Variants in RSRC1 observed in about 807,000 individuals in gnomAD.
The protein encoded by RSRC1 is serine/Arginine-related protein 53.
Under a neutral mutation model 49.1 loss-of-function variants are expected in RSRC1, and 39 were observed. The observed-to-expected ratio is 0.79, with a 90% confidence interval of 0.61 to 1.04. The LOEUF is 1.04. Among genes scored for constraint, RSRC1 ranks in the 50% least tolerant of loss-of-function variants. The pLI is 0.00. For synonymous variants in RSRC1, 143 were observed against 130.8 expected, an observed-to-expected ratio of 1.09 and a Z score of -0.63; for missense variants, 388 against 402.4, an observed-to-expected ratio of 0.96 and a Z score of 0.31.
intron 4 of RSRC1, among the ~76,000 whole-genome samples, chr3:158,281,532 G>A (rs1726169536): frequency 6.6e-6 from 1 of 152,122 alleles, no homozygotes; most frequent in Non-Finnish European, 1.5e-5. Context: ...CTTACCTTTG[G>A]TGGCTAGAGA....
intron 5 of RSRC1, among the ~76,000 whole-genome samples, chr3:158,332,971 G>GTTTTTTTTT (rs371669802): frequency 7.3e-6 from 1 of 136,124 alleles, no homozygotes; most frequent in Non-Finnish European, 1.6e-5. Context: ...TCTGTTTTTT[G>GTTTTTTTTT]TTTTTTTTTT....
At chr3:158,166,763 A>C (rs1718564544) in intron 3 of RSRC1, among the ~76,000 whole-genome samples, 1 of 152,224 alleles carries the variant, frequency 6.6e-6, no homozygotes, top group Non-Finnish European at 1.5e-5. Context: ...TTAATCTCTC[A>C]AATCAATCAA....
chr3:158,270,660 T>G (rs190216924), intron 4 of RSRC1, among the ~76,000 whole-genome samples: 1 of 152,286 alleles, frequency 6.6e-6, no homozygotes, highest in African/African-American at 2.4e-5. Context: ...TGCAAGCTTT[T>G]TAGAAATTTA....
chr3:158,462,957 A>G (rs1737692369), intron 7 of RSRC1, among the ~76,000 whole-genome samples: 1 of 152,030 alleles, frequency 6.6e-6, no homozygotes, highest in African/African-American at 2.4e-5. Flanking sequence ...AGTATAAACT[A>G]CAGGATTACA....
intron 4 of RSRC1, among the ~76,000 whole-genome samples, chr3:158,273,728 T>C (rs1199495096): frequency 6.6e-6 from 1 of 152,104 alleles, no homozygotes; most frequent in Non-Finnish European, 1.5e-5. Context: ...AAGTCTACTT[T>C]CTTTGAGTTA....
At chr3:158,114,708 T>TC (rs1479653179) in intron 1 of RSRC1, among the ~76,000 whole-genome samples, 1 of 152,120 alleles carries the variant, frequency 6.6e-6, no homozygotes, top group Non-Finnish European at 1.5e-5. Flanking sequence ...CTTGAAGAGG[T>TC]CCTTCACTTC....
At chr3:158,224,535 C>T (rs920540017) in intron 4 of RSRC1, among the ~76,000 whole-genome samples, 8 of 151,788 alleles carry the variant, frequency 5.3e-5, no homozygotes, top group African/African-American at 1.7e-4. Context: ...CACAGAATTT[C>T]TTTTGTGAAA....
chr3:158,457,441 A>G (rs554928519), intron 6 of RSRC1, among the ~76,000 whole-genome samples: 5 of 152,272 alleles, frequency 3.3e-5, no homozygotes, highest in African/African-American at 9.6e-5. Flanking sequence ...TGTGAGTTCA[A>G]CTGTGGATGT....
rs1305299080 is a variant in RSRC1 at position 158,122,315 on chromosome 3, T to C, written c.194+17T>C. The C allele has an allele frequency of 5.4e-6, 8 of 1,491,468 alleles. No homozygotes were observed. Among genetic ancestry groups the C allele is most frequent in the Non-Finnish European group, 7.3e-6 (8 of 1,102,946 alleles). The allele number at this position is 1,491,468 out of a possible 1,614,324, so 92.4% of individuals were successfully genotyped here. A position where few individuals can be genotyped will look rare whatever the true frequency, so the allele number is the denominator to read the frequency against. Reference sequence around the variant, plus strand: ...TGATAGAAGGTGATTTTTGTAATTTTTATTTATATAGTAATGAGGATAACA... The same window carrying C: ...TGATAGAAGGTGATTTTTGTAATTTCTATTTATATAGTAATGAGGATAACA... On this transcript the variant is annotated intron_variant, in intron 2 of 9. Coordinates refer to ENST00000611884, the MANE Select transcript of RSRC1 (RefSeq NM_001271838.2).
At chr3:158,341,210 A>G (rs1020960748) in intron 5 of RSRC1, among the ~76,000 whole-genome samples, 2 of 152,154 alleles carry the variant, frequency 1.3e-5, no homozygotes, top group South Asian at 2.1e-4. Context: ...AGAAATTTAC[A>G]TAAGTAGTAA....
intron 3 of RSRC1, among the ~76,000 whole-genome samples, chr3:158,194,576 C>A (rs1720448837): frequency 6.6e-6 from 1 of 150,398 alleles, no homozygotes; most frequent in African/African-American, 2.5e-5. Flanking sequence ...ATACATGTGC[C>A]ATGTTGGTGT....
chr3:158,456,324 T>C (rs1404122562), intron 6 of RSRC1, among the ~76,000 whole-genome samples: 8 of 150,584 alleles, frequency 5.3e-5, no homozygotes, highest in African/African-American at 1.7e-4. Flanking sequence ...TTTTTTTTTT[T>C]AATAGGCCAG....
At chr3:158,112,673 G>T (rs1714491449) in intron 1 of RSRC1, among the ~76,000 whole-genome samples, 1 of 152,124 alleles carries the variant, frequency 6.6e-6, no homozygotes, top group Non-Finnish European at 1.5e-5. Context: ...TTTATTTTAA[G>T]TTCTGGGGTA....
chr3:158,170,610 C>T (rs1176641498), intron 3 of RSRC1, among the ~76,000 whole-genome samples: 1 of 152,076 alleles, frequency 6.6e-6, no homozygotes, highest in Non-Finnish European at 1.5e-5. Context: ...CACTGAGTTG[C>T]TCATTTTTAT....
chr3:158,356,914 T>C (rs9824822), intron 6 of RSRC1, among the ~76,000 whole-genome samples: 1 of 152,076 alleles, frequency 6.6e-6, no homozygotes, highest in African/African-American at 2.4e-5. Context: ...TCACAGTGTA[T>C]AACTTGCTTA....
intron 5 of RSRC1, among the ~76,000 whole-genome samples, chr3:158,352,264 C>T (rs1730920003): frequency 6.6e-6 from 1 of 151,830 alleles, no homozygotes; most frequent in African/African-American, 2.4e-5. Flanking sequence ...AGAGTGAGAC[C>T]CTATCTCTTA....
At chr3:158,336,712 G>A (rs943860636) in intron 5 of RSRC1, 20 of 152,214 alleles carry the variant, frequency 1.3e-4, no homozygotes, top group African/African-American at 4.6e-4. Flanking sequence ...TTGAGAGAAA[G>A]GGTTTGTCAT....
chr3:158,311,784 T>C (rs1394024338), intron 5 of RSRC1, among the ~76,000 whole-genome samples: 1 of 152,128 alleles, frequency 6.6e-6, no homozygotes, highest in African/African-American at 2.4e-5. Flanking sequence ...GGCAATTATT[T>C]CACAGTGTAT....
intron 8 of RSRC1, among the ~76,000 whole-genome samples, chr3:158,543,100 A>G (rs557210114): frequency 3.3e-5 from 5 of 152,204 alleles, no homozygotes; most frequent in Admixed American, 6.5e-5. Context: ...CCTATATTCT[A>G]TTTCTATATA....
Sources: allele counts gnomAD v4.1 joint callset (sites outside exome capture counted in the v4.1 genomes callset), GRCh38; gene constraint gnomAD v4.1.1; transcripts MANE v1.5; gene names NCBI Gene and HGNC (gene_info 2026-07-23, HGNC 2026-07-21).